The following HAP1 variants were observed in gnomAD, a reference collection of about 807,000 sequenced individuals.
The protein encoded by HAP1 is huntingtin-associated protein 1.
In HAP1, 59 loss-of-function variants were observed where a neutral mutation model predicts 60.3. The ratio of observed to expected loss-of-function variants is 0.98; its 90% confidence interval spans 0.79 to 1.22. The LOEUF is 1.22. Ranked by LOEUF, HAP1 falls within the 50% of genes most tolerant of loss-of-function variation. The probability of loss-of-function intolerance (pLI) is 0.00; values close to 1 mark genes in which losing one functional copy is unlikely to be tolerated. For synonymous variants in HAP1, 346 were observed against 330.6 expected, an observed-to-expected ratio of 1.05 and a Z score of -0.50; for missense variants, 825 against 785.3, an observed-to-expected ratio of 1.05 and a Z score of -0.60.
Position 41,734,587 on chromosome 17 carries a change from T to C in HAP1, c.48A>G (p.Gly16=). The change falls in exon 1 of 11, where the codon GGA becomes GGG. Residue 16 remains glycine, a synonymous_variant. Coordinates refer to ENST00000347901, the MANE Select transcript of HAP1 (RefSeq NM_177977.3). ...AGGTGAGTGCTGCTGGGTCCCCGGG[T>C]CCGAGCCGGCTCCCCGCGCAGCACC... ...LGRCCAGSRL[G]PGDPAALTCA... is the part of the protein sequence containing the mutation. 6.3e-7 allele frequency: 1 copy of C among 1,580,936 alleles called. No homozygotes were observed. The highest frequency in any genetic ancestry group is 8.6e-7 in the Non-Finnish European group (1 of 1,164,512).
intron 1 of HAP1, among the ~76,000 whole-genome samples, chr17:41,733,352 C>CTTTTTTT (rs1226491607): frequency 0.041 from 3,071 of 74,646 alleles, 350 homozygotes; most frequent in African/African-American, 0.056. Context: ...CCGCGCCCGG[C>CTTTTTTT]TTTTTTTTTT....
intron 9 of HAP1, 59 bp from the exon 10 acceptor site, chr17:41,725,956 G>A: frequency 1.5e-6 from 2 of 1,297,996 alleles, no homozygotes; most frequent in South Asian, 1.2e-5. Flanking sequence ...GCAGTCCCTG[G>A]GGCTTGGTCA....
chr17:41,732,153 T>G, intron 3 of HAP1, 35 bp from the exon 4 acceptor site: 2 of 1,611,648 alleles, frequency 1.2e-6, no homozygotes, highest in South Asian at 2.2e-5. Context: ...GGGTTGGGAG[T>G]GGGCAGGGAC....
Position 41,727,102 on chromosome 17 carries a change from T to C in HAP1, c.1318A>G (p.Arg440Gly), listed in dbSNP as rs782004258. ...GAGATCATCCTCCTTAGAGACGTTC[T>C]GAGCTCCTCAGCCAGCGTCTCCTGG... ...GFQETLAEELRTSLRRMISDP... is the reference protein window; with the variant it reads ...GFQETLAEELGTSLRRMISDP... The change falls in exon 9 of 11, where the codon AGA (arginine) becomes GGA (glycine). Residue 440 changes from arginine (R) to glycine (G), a missense_variant. Physicochemically the swap from Arg to Gly is moderately radical, Grantham distance 125 (BLOSUM62 -2). Coordinates refer to ENST00000347901, the MANE Select transcript of HAP1 (RefSeq NM_177977.3). 1.3e-6 allele frequency: 2 copies of C among 1,595,592 alleles called. No individual in the cohort carries two copies. Among genetic ancestry groups the C allele is most frequent in the Admixed American group, 1.7e-5 (1 of 57,792 alleles).
Position 41,733,040 on chromosome 17 carries a change from TTTTTTTTTTTTTGG to T in HAP1, c.470-256_470-243del, listed in dbSNP as rs1355984674. The stretch of plus-strand genomic sequence containing the variant: ...TTTAGGTTTTTGGGTTTTTTTTGGT[TTTTTTTTTTTTTGG>T]TTTTTTTTTTTTTTTAGACAAAGCC... On this transcript the variant is annotated intron_variant, in intron 1 of 10. Coordinates refer to ENST00000347901, the MANE Select transcript of HAP1 (RefSeq NM_177977.3). 1.8e-3 allele frequency among the ~76,000 whole-genome samples: 161 copies of T among 89,408 alleles called. 1 individual carries two copies. Among genetic ancestry groups the T allele is most frequent in the African/African-American group, 4.8e-3 (104 of 21,602 alleles). 58.7% of individuals were successfully genotyped at this position (89,408 alleles called of 152,430 possible).
chr17:41,725,176 C>A (rs537577896), intron 10 of HAP1, 22 bp from the exon 11 acceptor site: 1 of 1,545,398 alleles, frequency 6.5e-7, no homozygotes, highest in Non-Finnish European at 8.7e-7. Flanking sequence ...ATAGCGACAT[C>A]TTTTGAGGGG....
At chr17:41,728,165 G>A (rs1911835743) in intron 7 of HAP1, 36 bp downstream of exon 7, 3 of 1,603,074 alleles carry the variant, frequency 1.9e-6, no homozygotes, top group Non-Finnish European at 2.5e-6. Flanking sequence ...GTCCCATGGG[G>A]CCACGACAAG....
chr17:41,729,868 C>CA (rs71155164), intron 6 of HAP1, among the ~76,000 whole-genome samples: 821 of 59,864 alleles, frequency 0.014, 16 homozygotes, highest in African/African-American at 0.027. Context: ...GAGACTCCGT[C>CA]AAAAAAAAAA....
At position 41,732,784 on chromosome 17, in the gene HAP1, G is replaced by C. The variant is rs782058068; in HGVS notation, c.484C>G (p.Leu162Val). Residue 162 changes from leucine to valine, a missense_variant, in exon 2 of 11, where the codon CTA becomes GTA. Physicochemically the swap from Leu to Val is conservative, Grantham distance 32 (BLOSUM62 1). Coordinates refer to ENST00000347901, the MANE Select transcript of HAP1 (RefSeq NM_177977.3). ...RELEEALCPN[L>V]PPPVKKITQE... ...GTGATCTTTTTGACTGGCGGAGGTA[G>C]GTTAGGACACAGTGCTGCAGGAGGC... 1.9e-6 allele frequency: 3 copies of C among 1,610,742 alleles called. No homozygotes were observed. Among genetic ancestry groups the C allele is most frequent in the South Asian group, 1.1e-5 (1 of 91,038 alleles).
rs138697584 is a variant in HAP1, at chr17:41,731,156, C to T, written c.1069+337G>A. Among the ~76,000 whole-genome samples the T allele has an allele frequency of 4.3e-4, 66 of 152,248 alleles. 1 individual carries two copies. The East Asian group carries it at 9.6e-3, about 22-fold the overall frequency. On this transcript the variant is annotated intron_variant, in intron 6 of 10. Transcript: ENST00000347901. Reference sequence around the variant, plus strand: ...AAACTCCTGACCTCAGGTGATCCGCCGGCCTCAGCCTCCCAAACTGTTGGG... The same window carrying T: ...AAACTCCTGACCTCAGGTGATCCGCTGGCCTCAGCCTCCCAAACTGTTGGG...
In HAP1 at chr17:41,724,766, C is replaced by G. The variant is rs533721286; in HGVS notation, c.1795G>C (p.Gly599Arg). 1 of 1,609,404 alleles carries G rather than the reference C, an allele frequency of 6.2e-7. No homozygotes were observed. The highest frequency in any genetic ancestry group is 1.3e-5 in the African/African-American group (1 of 74,998). The change falls in exon 11 of 11, where the codon GGT (glycine) becomes CGT (arginine). Residue 599 changes from glycine to arginine, a missense_variant. Physicochemically the swap from Gly to Arg is moderately radical, Grantham distance 125 (BLOSUM62 -2). Transcript: ENST00000347901. ...RQLRWKMLQK[G>R]ECPHGALPAA... is the part of the protein sequence containing the mutation. ...GGGAGGGCCCCGTGGGGGCACTCAC[C>G]TTTCTGGAGCATCTTCCACCTCAGC...
chr17:41,724,410 G>A lies in HAP1; in HGVS notation c.*291C>T. ...AGAGTTGGAGAGCCTGGGGGATAGA[G>A]GAGGCAGGGGTTGGGGGCAGGGGAA... On this transcript the variant is annotated 3_prime_UTR_variant, in exon 11 of 11. Transcript: ENST00000347901. 1 of 322,664 alleles carries A rather than the reference G, an allele frequency of 3.1e-6. No individual in the cohort carries two copies. The highest frequency in any genetic ancestry group is 5.2e-5 in the South Asian group (1 of 19,386). The allele number at this position is 322,664 out of a possible 1,614,324, so 20.0% of individuals were successfully genotyped here. A position where few individuals can be genotyped will look rare whatever the true frequency, so the allele number is the denominator to read the frequency against.
chr17:41,727,310 G>C (rs1298679344), intron 8 of HAP1, 166 bp from the exon 9 acceptor site: 1 of 780,934 alleles, frequency 1.3e-6, no homozygotes, highest in Non-Finnish European at 2.4e-6. Context: ...GAGGCACGCT[G>C]TATGGGTAAT....
Position 41,734,132 on chromosome 17 carries a change from C to T in HAP1, c.469+34G>A, listed in dbSNP as rs41312303. ...TTCCTCCCTGGAGTTGCCCCAGTCC[C>T]CACCCGGTCCAGGACCCCGGGGGCC... is the stretch of plus-strand genomic sequence containing the variant. On this transcript the variant is annotated intron_variant, in intron 1 of 10. Transcript: ENST00000347901. 18,313 of 1,520,796 alleles carry T rather than the reference C, an allele frequency of 0.012. 131 individuals carry two copies. The highest frequency in any genetic ancestry group is 0.015 in the Non-Finnish European group (16,382 of 1,126,238). 94.2% of individuals were successfully genotyped at this position (1,520,796 alleles called of 1,614,324 possible).
At position 41,732,376 on chromosome 17, in the gene HAP1, C is replaced by T. The variant is rs1176695305; in HGVS notation, c.568G>A (p.Glu190Lys). ...AGGACCATCCCATAGGTAACGCTCT[C>T]CCAGACAGGTGGGAGAAGCTGGGGG... The part of the protein sequence containing the change: ...LLEELLPPVW[E>K]SVTYGMVLQR... The change falls in exon 3 of 11, where the codon GAG (glutamate) becomes AAG (lysine). Residue 190 changes from glutamate to lysine, a missense_variant. Physicochemically the swap from Glu to Lys is moderately conservative, Grantham distance 56 (BLOSUM62 1). Coordinates refer to ENST00000347901, the MANE Select transcript of HAP1 (RefSeq NM_177977.3). 6.2e-7 allele frequency: 1 copy of T among 1,614,084 alleles called. No individual in the cohort carries two copies. The highest frequency in any genetic ancestry group is 1.1e-5 in the South Asian group (1 of 91,060).
chr17:41,732,641 A>G, intron 2 of HAP1, 78 bp downstream of exon 2: 1 of 1,266,596 alleles, frequency 7.9e-7, no homozygotes, highest in Non-Finnish European at 1.2e-6. Flanking sequence ...ACTGCCAATC[A>G]GGAAATAAAC....
rs781875367 is a variant in HAP1 at position 41,732,718 on chromosome 17, C to T, written c.549+1G>A. On this transcript the variant is annotated splice_donor_variant, in intron 2 of 10. Transcript: ENST00000347901. LOFTEE classifies it high-confidence loss of function. ...GCCTGGATCAGGAAGGCAGTACACACCTCCTCCAGCAAATATAACATCACT... is the reference window on the plus strand; with the variant it reads ...GCCTGGATCAGGAAGGCAGTACACATCTCCTCCAGCAAATATAACATCACT... The T allele has an allele frequency of 2.4e-5, 38 of 1,607,618 alleles. No individual in the cohort carries two copies. Among genetic ancestry groups the T allele is most frequent in the Non-Finnish European group, 3.2e-5 (37 of 1,174,134 alleles).
At chr17:41,721,353 C>T (rs1399484859), downstream of HAP1, 2 of 152,562 alleles carry the variant, frequency 1.3e-5, no homozygotes, top group Non-Finnish European at 2.9e-5. Context: ...CACAGAGCAG[C>T]TTGTGGCTTG....
chr17:41,729,545 T>G (rs73301924), intron 6 of HAP1, among the ~76,000 whole-genome samples: 1 of 90,162 alleles, frequency 1.1e-5, no homozygotes, highest in Non-Finnish European at 2.1e-5. Flanking sequence ...GGGAGCCTCC[T>G]TCTCAAAAAA....
Sources: allele counts gnomAD v4.1 joint callset (sites outside exome capture counted in the v4.1 genomes callset), GRCh38; gene constraint gnomAD v4.1.1; transcripts MANE v1.5; gene names NCBI Gene and HGNC (gene_info 2026-07-23, HGNC 2026-07-21).